FEM1A: variants seen among roughly 807,000 people sequenced by gnomAD.
FEM1A encodes protein fem-1 homolog A.
In FEM1A, 1 loss-of-function variant was observed where a neutral mutation model predicts 0.7. That is an observed-to-expected ratio of 1.35 (90% CI 0.48 to 6.40). The LOEUF (loss-of-function observed/expected upper bound fraction) is 6.40. Ranked by LOEUF, FEM1A falls within the 30% of genes most tolerant of loss-of-function variation. FEM1A has a pLI of 0.14. For missense variants in FEM1A, 721 were observed against 918.7 expected, an observed-to-expected ratio of 0.78 and a Z score of 2.78; for synonymous variants, 391 against 420.6, an observed-to-expected ratio of 0.93 and a Z score of 0.86.
In FEM1A at chr19:4,796,947, T is replaced by A. The variant is rs1251660095; in HGVS notation, c.*3083T>A. 6 of 152,114 alleles carry A rather than the reference T, an allele frequency of 3.9e-5. No homozygotes were observed. The highest frequency in any genetic ancestry group is 3.9e-4 in the Admixed American group (6 of 15,246). 9.4% of individuals were successfully genotyped at this position (152,114 alleles called of 1,614,324 possible). A position where few individuals can be genotyped will look rare whatever the true frequency, so the allele number is the denominator to read the frequency against. ...GTTGCATCAAAGGAGTGGGTTTGAA[T>A]CAGCAGGTGCTCTCAAAGCTGTCTC... On this transcript the variant is annotated 3_prime_UTR_variant, in exon 1 of 1. Transcript: ENST00000269856.
chr19:4,792,828 C>A lies in FEM1A; in HGVS notation c.974C>A (p.Ala325Asp). 6.2e-7 allele frequency: 1 copy of A among 1,612,150 alleles called. No individual in the cohort carries two copies. Among genetic ancestry groups the A allele is most frequent in the Non-Finnish European group, 8.5e-7 (1 of 1,180,014 alleles). Residue 325 changes from alanine to aspartate, a missense_variant, in exon 1 of 1, where the codon GCC becomes GAC. By Grantham distance (126) the Ala-to-Asp change is moderately radical. Coordinates refer to ENST00000269856, the MANE Select transcript of FEM1A (RefSeq NM_018708.3). This position sits in a 1 kb window ranked among gnomAD's most constrained non-coding sequence, Gnocchi z 6.7. The part of the protein sequence containing the change: ...LLGALKHWRR[A>D]MELRHQGGEY... ...GGGGCCCTTAAACACTGGAGGCGGG[C>A]CATGGAGCTGCGTCACCAGGGGGGC... is the stretch of plus-strand genomic sequence containing the variant.
chr19:4,793,978 A>C lies in FEM1A; in HGVS notation c.*114A>C. ...CCTCCTTCAGGCACCAATCAGGAGA[A>C]GGGTTCTGCCTCCCATCCCCTCTAC... is the stretch of plus-strand genomic sequence containing the variant. On this transcript the variant is annotated 3_prime_UTR_variant, in exon 1 of 1. Transcript: ENST00000269856. This position sits in a 1 kb window ranked among gnomAD's most constrained non-coding sequence, Gnocchi z 5.1. 1 of 1,099,934 alleles carries C rather than the reference A, an allele frequency of 9.1e-7. No homozygotes were observed. The highest frequency in any genetic ancestry group is 1.6e-5 in the African/African-American group (1 of 63,398). 68.1% of individuals were successfully genotyped at this position (1,099,934 alleles called of 1,614,324 possible). A position where few individuals can be genotyped will look rare whatever the true frequency, so the allele number is the denominator to read the frequency against.
In FEM1A at chr19:4,793,541, G is replaced by A. The variant is rs548570305; in HGVS notation, c.1687G>A (p.Val563Met). 124 of 1,613,062 alleles carry A rather than the reference G, an allele frequency of 7.7e-5. 2 individuals carry two copies. In the South Asian group the frequency reaches 1.2e-3, roughly 16 times the overall value. Residue 563 changes from valine (V) to methionine (M), a missense_variant, in exon 1 of 1, where the codon GTG becomes ATG. By Grantham distance (21) the Val-to-Met change is conservative. Coordinates refer to ENST00000269856, the MANE Select transcript of FEM1A (RefSeq NM_018708.3). The surrounding 1 kb of genome is among the most constrained non-coding windows in gnomAD (Gnocchi z 5.1). ...CGTGGGCAGATTCCCCTCCCTGCACGTGGTCAAAGTGCTGCTCGACTGCGG... is the reference window on the plus strand; with the variant it reads ...CGTGGGCAGATTCCCCTCCCTGCACATGGTCAAAGTGCTGCTCGACTGCGG... The part of the protein sequence containing the change: ...YPVGRFPSLH[V>M]VKVLLDCGAD...
chr19:4,793,225 C>T lies in FEM1A; in HGVS notation c.1371C>T (p.Thr457=), dbSNP rs780546042. The change falls in exon 1 of 1, where the codon ACC becomes ACT. Residue 457 remains threonine (T), a synonymous_variant. Transcript: ENST00000269856. This position sits in a 1 kb window ranked among gnomAD's most constrained non-coding sequence, Gnocchi z 5.1. ...GGGCCGCCAAAGGCAGCCTGGGCACCCAGATCGGCTTTGCAGACCTCATGG... is the reference window on the plus strand; with the variant it reads ...GGGCCGCCAAAGGCAGCCTGGGCACTCAGATCGGCTTTGCAGACCTCATGG... ...QDRAAKGSLG[T]QIGFADLMGV... 12 of 1,613,466 alleles carry T rather than the reference C, an allele frequency of 7.4e-6. 1 individual carries two copies. The highest frequency in any genetic ancestry group is 1.7e-4 in the Middle Eastern group (1 of 6,052).
rs1311890263 is a variant in FEM1A at position 4,796,715 on chromosome 19, C to A, written c.*2851C>A. The A allele has an allele frequency of 2.6e-5, 4 of 152,452 alleles. No homozygotes were observed. In the East Asian group the frequency reaches 7.7e-4, roughly 29 times the overall value. 9.4% of individuals were successfully genotyped at this position (152,452 alleles called of 1,614,324 possible). The stretch of plus-strand genomic sequence containing the variant: ...CTGTCGATATGAACGTCCGGTTAAT[C>A]CCTGTGCGCCCGCCTCACGTGGCAG... On this transcript the variant is annotated 3_prime_UTR_variant, in exon 1 of 1. Coordinates refer to ENST00000269856, the MANE Select transcript of FEM1A (RefSeq NM_018708.3).
rs372881129 is a variant in FEM1A, at chr19:4,792,746, G to C, written c.892G>C (p.Val298Leu). 1.9e-6 allele frequency: 3 copies of C among 1,612,098 alleles called. No individual in the cohort carries two copies. The highest frequency in any genetic ancestry group is 2.5e-6 in the Non-Finnish European group (3 of 1,179,894). The change falls in exon 1 of 1, where the codon GTG becomes CTG. Residue 298 changes from valine (V) to leucine (L), a missense_variant. This residue lies in a region of FEM1A where 137 missense variants were observed against 121.7 expected (regional missense o/e 1.13). Coordinates refer to ENST00000269856, the MANE Select transcript of FEM1A (RefSeq NM_018708.3). This position sits in a 1 kb window ranked among gnomAD's most constrained non-coding sequence, Gnocchi z 6.7. The part of the protein sequence containing the change: ...SCCPTSREAA[V>L]EALELLGATY... ...CTGTCCCACCAGCCGGGAAGCTGCC[G>C]TGGAAGCCTTGGAATTGCTGGGAGC...
Position 4,791,748 on chromosome 19 carries a change from A to G in FEM1A, c.-107A>G. The G allele has an allele frequency of 2.5e-6, 3 of 1,194,522 alleles. No individual in the cohort carries two copies. Among genetic ancestry groups the G allele is most frequent in the Non-Finnish European group, 2.2e-6 (2 of 898,030 alleles). 74.0% of individuals were successfully genotyped at this position (1,194,522 alleles called of 1,614,324 possible). On this transcript the variant is annotated 5_prime_UTR_variant, in exon 1 of 1. It removes an upstream start codon present in the reference 5' UTR. Coordinates refer to ENST00000269856, the MANE Select transcript of FEM1A (RefSeq NM_018708.3). ...TTGTTCCGCCCGAGGAGACCCTAAG[A>G]TGGCGGCGAGGGGGACGGTGAAGGT...
rs2093555995 is a variant in FEM1A at position 4,792,704 on chromosome 19, G to A, written c.850G>A (p.Glu284Lys). Residue 284 changes from glutamate (E) to lysine (K), a missense_variant, in exon 1 of 1, where the codon GAA becomes AAA. Coordinates refer to ENST00000269856, the MANE Select transcript of FEM1A (RefSeq NM_018708.3). The surrounding 1 kb of genome is among the most constrained non-coding windows in gnomAD (Gnocchi z 6.7). ...CTCCCCAGAGGAACCACTGAACGGG[G>A]AATCTTACGAAAGCTGCTGTCCCAC... ...SSSPEEPLNGESYESCCPTSR... is the reference protein window; with the variant it reads ...SSSPEEPLNGKSYESCCPTSR... The A allele has an allele frequency of 6.2e-7, 1 of 1,612,000 alleles. No homozygotes were observed. Among genetic ancestry groups the A allele is most frequent in the Non-Finnish European group, 8.5e-7 (1 of 1,179,870 alleles).
chr19:4,792,634 C>T lies in FEM1A; in HGVS notation c.780C>T (p.Thr260=), dbSNP rs779126629. ...GGCTGCCCCAAGAAGACCCCTCCAC[C>T]AGCCAGGGGTGTGCGCAGCCTCAGG... ...QPGLPQEDPS[T]SQGCAQPQGA... is the part of the protein sequence containing the mutation. Residue 260 remains threonine, a synonymous_variant, in exon 1 of 1, where the codon ACC becomes ACT. Coordinates refer to ENST00000269856, the MANE Select transcript of FEM1A (RefSeq NM_018708.3). The surrounding 1 kb of genome is among the most constrained non-coding windows in gnomAD (Gnocchi z 6.7). The T allele has an allele frequency of 1.9e-6, 3 of 1,611,974 alleles. No homozygotes were observed. In the Admixed American group the frequency reaches 5.0e-5, roughly 27 times the overall value.
chr19:4,793,769 C>G lies in FEM1A; in HGVS notation c.1915C>G (p.Leu639Val), dbSNP rs375112091. The G allele has an allele frequency of 1.2e-6, 2 of 1,612,048 alleles. No individual in the cohort carries two copies. Among genetic ancestry groups the G allele is most frequent in the Admixed American group, 1.7e-5 (1 of 59,938 alleles). ...GTMQPFNYVTLQCLAARALDK... is the reference protein window; with the variant it reads ...GTMQPFNYVTVQCLAARALDK... ...CATGCAGCCCTTCAACTACGTGACCCTGCAGTGCCTTGCGGCCCGGGCCCT... is the reference window on the plus strand; with the variant it reads ...CATGCAGCCCTTCAACTACGTGACCGTGCAGTGCCTTGCGGCCCGGGCCCT... The change falls in exon 1 of 1, where the codon CTG becomes GTG. Residue 639 changes from leucine (L) to valine (V), a missense_variant. Transcript: ENST00000269856. This position sits in a 1 kb window ranked among gnomAD's most constrained non-coding sequence, Gnocchi z 5.1.
chr19:4,800,846 C>G lies in FEM1A; in HGVS notation c.*6982C>G, dbSNP rs992595543. 6.6e-6 allele frequency: 1 copy of G among 152,182 alleles called. No individual in the cohort carries two copies. The highest frequency in any genetic ancestry group is 1.5e-5 in the Non-Finnish European group (1 of 68,040). 9.4% of individuals were successfully genotyped at this position (152,182 alleles called of 1,614,324 possible). On this transcript the variant is annotated 3_prime_UTR_variant, in exon 1 of 1. Coordinates refer to ENST00000269856, the MANE Select transcript of FEM1A (RefSeq NM_018708.3). ...AAAAGGCCAGATGACCCACCAGGGACATTGAATCCGTGTCCCGAGAGGGGT... is the reference window on the plus strand; with the variant it reads ...AAAAGGCCAGATGACCCACCAGGGAGATTGAATCCGTGTCCCGAGAGGGGT...
At position 4,795,393 on chromosome 19, in the gene FEM1A, T is replaced by TTTG. The variant is rs34012693; in HGVS notation, c.*1529_*1530insTTG. ...TCTCGTTTGGATTTTTTTTTTTTTT[T>TTTG]GCCGTGTTAGGAAATTATTTATTAA... On this transcript the variant is annotated 3_prime_UTR_variant, in exon 1 of 1. Transcript: ENST00000269856. 4.2e-5 allele frequency: 7 copies of TTTG among 165,826 alleles called. No homozygotes were observed. Among genetic ancestry groups the TTTG allele is most frequent in the Non-Finnish European group, 8.8e-5 (6 of 67,832 alleles). 10.3% of individuals were successfully genotyped at this position (165,826 alleles called of 1,614,324 possible).
rs2093562158 is a variant in FEM1A, at chr19:4,797,238, T to G, written c.*3374T>G. ...GTGCAGTGGTGTGATCTCGGCTCAC[T>G]GCAAGCTCAGCCTCCCGGGTTCACA... On this transcript the variant is annotated 3_prime_UTR_variant, in exon 1 of 1. Coordinates refer to ENST00000269856, the MANE Select transcript of FEM1A (RefSeq NM_018708.3). 1.4e-5 allele frequency: 2 copies of G among 138,324 alleles called. No individual in the cohort carries two copies. Among genetic ancestry groups the G allele is most frequent in the African/African-American group, 5.4e-5 (2 of 36,936 alleles). 8.6% of individuals were successfully genotyped at this position (138,324 alleles called of 1,614,324 possible).
rs766318843 is a variant in FEM1A, at chr19:4,793,076, C to G, written c.1222C>G (p.Arg408Gly). The G allele has an allele frequency of 3.1e-6, 5 of 1,613,442 alleles. No individual in the cohort carries two copies. Among genetic ancestry groups the G allele is most frequent in the Non-Finnish European group, 4.2e-6 (5 of 1,180,016 alleles). Residue 408 changes from arginine (R) to glycine (G), a missense_variant, in exon 1 of 1, where the codon CGC becomes GGC. By Grantham distance (125) the Arg-to-Gly change is moderately radical. This residue lies in a region of FEM1A where 379 missense variants were observed against 454.8 expected (regional missense o/e 0.83). Transcript: ENST00000269856. The surrounding 1 kb of genome is among the most constrained non-coding windows in gnomAD (Gnocchi z 5.1). ...AVYADSGNFE[R>G]CIRLWKYALD... is the part of the protein sequence containing the mutation. The stretch of plus-strand genomic sequence containing the variant: ...GTACGCCGACTCGGGCAATTTCGAG[C>G]GCTGCATCCGCTTGTGGAAGTACGC...
chr19:4,798,749 CCT>C lies in FEM1A; in HGVS notation c.*4886_*4887del, dbSNP rs888127165. 6.6e-6 allele frequency: 1 copy of C among 152,214 alleles called. No homozygotes were observed. Among genetic ancestry groups the C allele is most frequent in the African/African-American group, 2.4e-5 (1 of 41,440 alleles). 9.4% of individuals were successfully genotyped at this position (152,214 alleles called of 1,614,324 possible). On this transcript the variant is annotated 3_prime_UTR_variant, in exon 1 of 1. Transcript: ENST00000269856. ...ACGCCAGACACATGGATCCCTTTCC[CCT>C]GCTTTCTGGTGTTGTTTTGGCACAA... is the stretch of plus-strand genomic sequence containing the variant.
chr19:4,793,698 A>G lies in FEM1A; in HGVS notation c.1844A>G (p.Lys615Arg), dbSNP rs1186267628. The change falls in exon 1 of 1, where the codon AAG (lysine) becomes AGG (arginine). Residue 615 changes from lysine to arginine, a missense_variant. Lys to Arg is a conservative substitution (Grantham distance 26). Coordinates refer to ENST00000269856, the MANE Select transcript of FEM1A (RefSeq NM_018708.3). The surrounding 1 kb of genome is among the most constrained non-coding windows in gnomAD (Gnocchi z 5.1). ...ATGGACGCCACCAATGCCTTCAAGA[A>G]GACGGCCTACGAGCTGCTGGACGAG... The part of the protein sequence containing the change: ...AHMDATNAFK[K>R]TAYELLDEKL... 6.2e-7 allele frequency: 1 copy of G among 1,612,942 alleles called. No homozygotes were observed. Among genetic ancestry groups the G allele is most frequent in the Non-Finnish European group, 8.5e-7 (1 of 1,179,816 alleles).
Position 4,792,386 on chromosome 19 carries a change from C to T in FEM1A, c.532C>T (p.Arg178Trp). 1 of 1,595,200 alleles carries T rather than the reference C, an allele frequency of 6.3e-7. No individual in the cohort carries two copies. Among genetic ancestry groups the T allele is most frequent in the South Asian group, 1.1e-5 (1 of 90,898 alleles). The change falls in exon 1 of 1, where the codon CGG (arginine) becomes TGG (tryptophan). Residue 178 changes from arginine (R) to tryptophan (W), a missense_variant. Around this residue, in one of 4 missense-constraint regions of FEM1A, gnomAD observed 195 missense variants for 316.9 expected, o/e 0.62. Coordinates refer to ENST00000269856, the MANE Select transcript of FEM1A (RefSeq NM_018708.3). This position sits in a 1 kb window ranked among gnomAD's most constrained non-coding sequence, Gnocchi z 6.7. ...GCTGGAGCAGGGCGCCCAGGTGAAC[C>T]GGCGCAGCGCCAAGGGCAACACGGC... Reference protein sequence around the residue: ...YLLEQGAQVNRRSAKGNTALH... With the variant: ...YLLEQGAQVNWRSAKGNTALH...
Position 4,792,706 on chromosome 19 carries a change from A to G in FEM1A, c.852A>G (p.Glu284=). The change falls in exon 1 of 1, where the codon GAA becomes GAG. Residue 284 remains glutamate, a synonymous_variant. Coordinates refer to ENST00000269856, the MANE Select transcript of FEM1A (RefSeq NM_018708.3). This position sits in a 1 kb window ranked among gnomAD's most constrained non-coding sequence, Gnocchi z 6.7. Reference sequence around the variant, plus strand: ...CCCCAGAGGAACCACTGAACGGGGAATCTTACGAAAGCTGCTGTCCCACCA... The same window carrying G: ...CCCCAGAGGAACCACTGAACGGGGAGTCTTACGAAAGCTGCTGTCCCACCA... ...SSSPEEPLNG[E]SYESCCPTSR... is the part of the protein sequence containing the mutation. 6.2e-7 allele frequency: 1 copy of G among 1,612,126 alleles called. No individual in the cohort carries two copies.
Position 4,798,444 on chromosome 19 carries a change from A to T in FEM1A, c.*4580A>T, listed in dbSNP as rs1009285247. The T allele has an allele frequency of 1.3e-5, 2 of 148,420 alleles. No homozygotes were observed. The highest frequency in any genetic ancestry group is 2.5e-5 in the African/African-American group (1 of 39,964). 9.2% of individuals were successfully genotyped at this position (148,420 alleles called of 1,614,324 possible). A position where few individuals can be genotyped will look rare whatever the true frequency, so the allele number is the denominator to read the frequency against. On this transcript the variant is annotated 3_prime_UTR_variant, in exon 1 of 1. Transcript: ENST00000269856. ...TAACACGGTGAAACCCCGTCTCTCT[A>T]CTAAAAGCACAAAAAATTAGCCAGG...
Sources: allele counts gnomAD v4.1 joint callset, GRCh38; gene constraint gnomAD v4.1.1; regional missense constraint gnomAD v4.1.1; non-coding constraint Gnocchi (gnomAD v3.1); transcripts MANE v1.5; gene names NCBI Gene and HGNC (gene_info 2026-07-23, HGNC 2026-07-21).